The following URB1 variants were observed in gnomAD, a reference collection of about 807,000 sequenced individuals.
The protein encoded by URB1 is URB1 ribosome biogenesis factor.
Under a neutral mutation model 242.3 loss-of-function variants are expected in URB1, and 197 were observed. That is an observed-to-expected ratio of 0.81 (90% CI 0.72 to 0.91). URB1 has a LOEUF of 0.91. Ranked by LOEUF, URB1 falls within the 40% of genes least tolerant of loss-of-function variation. The pLI is 0.00. For synonymous variants in URB1, 1,153 were observed against 1,201.8 expected (o/e 0.96, Z 0.84); for missense variants, 2,721 against 2,860.5 (o/e 0.95, Z 1.11).
At chr21:32,389,560 C>G (rs1014176793) in intron 1 of URB1, among the ~76,000 whole-genome samples, 1 of 152,158 alleles carries the variant, frequency 6.6e-6, no homozygotes, top group Non-Finnish European at 1.5e-5. Context: ...AGAGGGGGAG[C>G]AGACAGATTC....
chr21:32,378,223 C>T (rs757766833), intron 5 of URB1, among the ~76,000 whole-genome samples: 13 of 152,160 alleles, frequency 8.5e-5, no homozygotes, highest in African/African-American at 9.7e-5. Flanking sequence ...GCATTCCAGA[C>T]GGCATAACAG....
At chr21:32,315,204 C>T (rs1193982058) in intron 38 of URB1, 105 bp from the exon 39 acceptor site, 38 of 1,262,866 alleles carry the variant, frequency 3.0e-5, no homozygotes, top group Non-Finnish European at 3.8e-5. Flanking sequence ...CCAAATGAAC[C>T]GTGCCACAGG....
chr21:32,311,580 G>A lies in URB1; in HGVS notation c.*3338C>T. 6.7e-7 allele frequency: 1 copy of A among 1,497,848 alleles called. No homozygotes were observed. The highest frequency in any genetic ancestry group is 2.2e-5 in the Admixed American group (1 of 46,430). The allele number at this position is 1,497,848 out of a possible 1,614,324, so 92.8% of individuals were successfully genotyped here. On this transcript the variant is annotated 3_prime_UTR_variant, in exon 39 of 39. Coordinates refer to ENST00000382751, the MANE Select transcript of URB1 (RefSeq NM_014825.3). ...ATTTGCCTGTGTGGCCTTCCCTATGGGGTCCGGGCAGATGGCAGGTGTGGC... is the reference window on the plus strand; with the variant it reads ...ATTTGCCTGTGTGGCCTTCCCTATGAGGTCCGGGCAGATGGCAGGTGTGGC...
intron 1 of URB1, among the ~76,000 whole-genome samples, chr21:32,391,645 G>A (rs984246669): frequency 3.9e-5 from 6 of 151,972 alleles, no homozygotes; most frequent in Admixed American, 1.3e-4. Flanking sequence ...TAATGAATTC[G>A]GAAATAAATA....
At chr21:32,338,677 C>T (rs528701838) in intron 26 of URB1, 30 bp downstream of exon 26, 681 of 1,549,346 alleles carry the variant, frequency 4.4e-4, no homozygotes, top group Non-Finnish European at 5.2e-4. Flanking sequence ...AATCTGGATA[C>T]GGAATGGAAG....
At chr21:32,368,662 T>C in intron 8 of URB1, 64 bp from the exon 9 acceptor site, 2 of 1,358,678 alleles carry the variant, frequency 1.5e-6, no homozygotes, top group East Asian at 2.5e-5. Flanking sequence ...TGAGAGCTCA[T>C]GGTGACGTGC....
At chr21:32,378,578 T>C (rs2033486449) in intron 4 of URB1, 37 bp from the exon 5 acceptor site, 1 of 1,506,612 alleles carries the variant, frequency 6.6e-7, no homozygotes, top group Admixed American at 2.0e-5. Flanking sequence ...CACATGCATA[T>C]TCCACATACA....
chr21:32,322,713 C>T, intron 32 of URB1, 129 bp from the exon 33 acceptor site: 1 of 672,590 alleles, frequency 1.5e-6, no homozygotes. Context: ...GTGTCCTGAC[C>T]CAGAGGACTG....
chr21:32,368,790 C>T (rs2033374450), intron 8 of URB1, among the ~76,000 whole-genome samples, 192 bp from the exon 9 acceptor site: 1 of 152,084 alleles, frequency 6.6e-6, no homozygotes, highest in Admixed American at 6.5e-5. Flanking sequence ...GGGCTTCCCT[C>T]TCATCCTCTA....
At chr21:32,317,484 A>G (rs1172125039) in intron 37 of URB1, among the ~76,000 whole-genome samples, 192 bp downstream of exon 37, 2 of 152,192 alleles carry the variant, frequency 1.3e-5, no homozygotes, top group African/African-American at 4.8e-5. Flanking sequence ...AAAGACAGGG[A>G]GCTAGTAAGC....
intron 1 of URB1, among the ~76,000 whole-genome samples, chr21:32,390,340 C>T (rs2033624372): frequency 6.6e-6 from 1 of 152,204 alleles, no homozygotes. Context: ...TCCCATCCTA[C>T]AATCCTTTTG....
chr21:32,372,736 A>G lies in URB1; in HGVS notation c.877-105T>C, dbSNP rs1403236407. 4.8e-6 allele frequency: 6 copies of G among 1,260,206 alleles called. No individual in the cohort carries two copies. The African/African-American group carries it at 7.6e-5, about 16-fold the overall frequency. The allele number at this position is 1,260,206 out of a possible 1,614,324, so 78.1% of individuals were successfully genotyped here. Reference sequence around the variant, plus strand: ...TATTAACTGCCGATGACAATTTAGAAAACATTTTAAATACTTGGTGTCATT... The same window carrying G: ...TATTAACTGCCGATGACAATTTAGAGAACATTTTAAATACTTGGTGTCATT... On this transcript the variant is annotated intron_variant, in intron 7 of 38. Coordinates refer to ENST00000382751, the MANE Select transcript of URB1 (RefSeq NM_014825.3).
intron 19 of URB1, 119 bp downstream of exon 19, chr21:32,352,591 A>G (rs759677943): frequency 9.4e-6 from 11 of 1,171,612 alleles, no homozygotes; most frequent in Non-Finnish European, 1.3e-5. Flanking sequence ...ACTTTAGGGT[A>G]AGAAATTTCA....
chr21:32,324,025 C>A (rs922678431), intron 32 of URB1, among the ~76,000 whole-genome samples: 3 of 152,098 alleles, frequency 2.0e-5, no homozygotes, highest in Non-Finnish European at 4.4e-5. Context: ...GCAGTGAGTC[C>A]GATCATCACC....
At chr21:32,382,677 G>A (rs2033539440) in intron 4 of URB1, among the ~76,000 whole-genome samples, 1 of 152,110 alleles carries the variant, frequency 6.6e-6, no homozygotes, top group Admixed American at 6.5e-5. Flanking sequence ...GGCCAGGGCT[G>A]TTCACAGCAC....
rs756574001 is a variant in URB1, at chr21:32,311,686, A to G, written c.*3232T>C. 1.1e-5 allele frequency: 17 copies of G among 1,613,794 alleles called. No homozygotes were observed. The highest frequency in any genetic ancestry group is 1.4e-5 in the Non-Finnish European group (16 of 1,179,950). On this transcript the variant is annotated 3_prime_UTR_variant, in exon 39 of 39. Coordinates refer to ENST00000382751, the MANE Select transcript of URB1 (RefSeq NM_014825.3). ...CTCCCACTCTGCTCTGTTCACAGGA[A>G]CAGCCCCAAGCACCACCAAACATGC...
intron 4 of URB1, 62 bp downstream of exon 4, chr21:32,383,360 C>A: frequency 6.7e-7 from 1 of 1,497,098 alleles, no homozygotes; most frequent in Non-Finnish European, 8.9e-7. Flanking sequence ...GGAGGAAAAA[C>A]CACTACAGTC....
rs1471476634 is a variant in URB1, at chr21:32,314,962, C to T, written c.6772G>A (p.Val2258Met). Residue 2258 changes from valine to methionine, a missense_variant, in exon 39 of 39, where the codon GTG (valine) becomes ATG (methionine). Val to Met is a conservative substitution (Grantham distance 21). Coordinates refer to ENST00000382751, the MANE Select transcript of URB1 (RefSeq NM_014825.3). ...CTGGCGGCGTCCTTGCAGAGCACCA[C>T]GATGGCCTCCTCTTCACTGCTCGGG... ...DAPSSEEEAI[V>M]VLCKDAASAA... 19 of 1,551,618 alleles carry T rather than the reference C, an allele frequency of 1.2e-5. No individual in the cohort carries two copies. The highest frequency in any genetic ancestry group is 3.6e-5 in the South Asian group (3 of 84,060).
intron 13 of URB1, among the ~76,000 whole-genome samples, chr21:32,360,708 A>T (rs2033273296): frequency 2.0e-5 from 3 of 152,194 alleles, no homozygotes; most frequent in South Asian, 2.1e-4. Context: ...TGCTCCCTTG[A>T]AAAGTGACTT....
Sources: allele counts gnomAD v4.1 joint callset (sites outside exome capture counted in the v4.1 genomes callset), GRCh38; gene constraint gnomAD v4.1.1; transcripts MANE v1.5; gene names NCBI Gene and HGNC (gene_info 2026-07-23, HGNC 2026-07-21).